TP63: variants seen among roughly 807,000 people sequenced by gnomAD.
The protein encoded by TP63 is tumor protein 63.
In TP63, 17 loss-of-function variants were observed where a neutral mutation model predicts 82.8. The observed-to-expected ratio is 0.21, with a 90% CI of 0.14 to 0.31. TP63 has a LOEUF of 0.31. Ranked by LOEUF, TP63 falls within the 10% of genes least tolerant of loss-of-function variation. The pLI, the probability that TP63 is intolerant of heterozygous loss-of-function variation, is 1.00. For synonymous variants in TP63, 330 were observed against 321.7 expected (o/e 1.03, Z -0.28); for missense variants, 648 against 895.3 (o/e 0.72, Z 3.52).
intron 1 of TP63, among the ~76,000 whole-genome samples, chr3:189,666,577 TAGAG>T (rs1196361838): frequency 1.3e-5 from 2 of 151,972 alleles, no homozygotes; most frequent in Admixed American, 6.6e-5. Flanking sequence ...GAGAATGAAA[TAGAG>T]AAGAGACAGA....
intron 1 of TP63, among the ~76,000 whole-genome samples, chr3:189,682,550 AAAAATATATATATATATAT>A (rs1430221083): frequency 0.097 from 4,381 of 45,188 alleles, 245 homozygotes; most frequent in East Asian, 0.18. Flanking sequence ...AAAAAAAAAA[AAAAATATATATATATATAT>A]ATATATATAT....
At chr3:189,739,625 A>G (rs958748524) in intron 3 of TP63, among the ~76,000 whole-genome samples, 1 of 152,144 alleles carries the variant, frequency 6.6e-6, no homozygotes, top group African/African-American at 2.4e-5. Flanking sequence ...GTCACTCGTG[A>G]TCTTAGGCCC....
intron 3 of TP63, among the ~76,000 whole-genome samples, chr3:189,770,522 T>G (rs933018234): frequency 6.6e-6 from 1 of 150,726 alleles, no homozygotes; most frequent in Non-Finnish European, 1.5e-5. Context: ...CCGAGATCGT[T>G]CCACTGCACT....
chr3:189,855,718 GTATGTA>G (rs1716208752), intron 4 of TP63, among the ~76,000 whole-genome samples: 1 of 148,342 alleles, frequency 6.7e-6, no homozygotes, highest in Non-Finnish European at 1.5e-5. Context: ...GTGTGTGTAT[GTATGTA>G]TGTGTGTGTG....
At chr3:189,761,044 C>A (rs138935112) in intron 3 of TP63, among the ~76,000 whole-genome samples, 13 of 152,294 alleles carry the variant, frequency 8.5e-5, no homozygotes, top group African/African-American at 2.6e-4. Flanking sequence ...AGCACAGATA[C>A]CCTGGGCTTG....
intron 10 of TP63, chr3:189,881,192 T>A (rs1719876017): frequency 1.0e-6 from 1 of 985,284 alleles, no homozygotes; most frequent in African/African-American, 1.7e-5. Context: ...ACGTTTTGAG[T>A]AAGTGAGATC....
intron 1 of TP63, among the ~76,000 whole-genome samples, chr3:189,723,284 A>AC (rs1016215108): frequency 1.7e-4 from 26 of 152,328 alleles, no homozygotes; most frequent in Admixed American, 1.0e-3. Flanking sequence ...TGAATGACAG[A>AC]CTAGGGACTC....
chr3:189,871,031 T>A (rs931712098), intron 9 of TP63, among the ~76,000 whole-genome samples: 2 of 152,218 alleles, frequency 1.3e-5, no homozygotes, highest in African/African-American at 4.8e-5. Flanking sequence ...TGACTTGTGA[T>A]GTTAAAGTAA....
intron 3 of TP63, among the ~76,000 whole-genome samples, chr3:189,774,124 G>A (rs998234648): frequency 2.6e-5 from 4 of 151,750 alleles, no homozygotes; most frequent in South Asian, 4.2e-4. Context: ...GGGTTTCACC[G>A]TGTTAGCCAG....
the TP63 span, among the ~76,000 whole-genome samples, chr3:189,610,639 C>A: frequency 6.6e-6 from 1 of 152,234 alleles, no homozygotes; most frequent in Non-Finnish European, 1.5e-5. Context: ...ATTTTCCTAT[C>A]TTCTTCTGAG....
the TP63 span, among the ~76,000 whole-genome samples, chr3:189,605,154 CT>C: frequency 6.6e-6 from 1 of 152,150 alleles, no homozygotes; most frequent in Non-Finnish European, 1.5e-5. Context: ...GCATAATTTC[CT>C]ACAAATACAA....
At chr3:189,773,711 C>T (rs1332494040) in intron 3 of TP63, among the ~76,000 whole-genome samples, 1 of 152,084 alleles carries the variant, frequency 6.6e-6, no homozygotes, top group East Asian at 1.9e-4. Flanking sequence ...TAATCATCCT[C>T]TCCATCAATG....
intron 1 of TP63, among the ~76,000 whole-genome samples, chr3:189,719,198 T>G (rs1393978754): frequency 6.6e-6 from 1 of 152,188 alleles, no homozygotes; most frequent in Non-Finnish European, 1.5e-5. Context: ...TGAGAGAACT[T>G]GTTCTTTGGG....
At chr3:189,741,128 T>C (rs1026016908) in intron 3 of TP63, among the ~76,000 whole-genome samples, 1 of 151,716 alleles carries the variant, frequency 6.6e-6, no homozygotes, top group Non-Finnish European at 1.5e-5. Flanking sequence ...GCATCTGTAT[T>C]GAAAGGAAAA....
chr3:189,765,779 G>A (rs1329852446), intron 3 of TP63, among the ~76,000 whole-genome samples: 1 of 152,026 alleles, frequency 6.6e-6, no homozygotes, highest in East Asian at 1.9e-4. Flanking sequence ...AAAAAGCACT[G>A]GCCTAGGAGC....
At chr3:189,633,221 TG>T (rs943867418) in intron 1 of TP63, among the ~76,000 whole-genome samples, 1 of 151,620 alleles carries the variant, frequency 6.6e-6, no homozygotes, top group Non-Finnish European at 1.5e-5. Context: ...ATAGTATTTT[TG>T]GTTTTTTTTT....
intron 3 of TP63, among the ~76,000 whole-genome samples, chr3:189,768,766 G>A (rs910646102): frequency 6.6e-6 from 1 of 152,132 alleles, no homozygotes; most frequent in African/African-American, 2.4e-5. Context: ...ACAGTGGCAG[G>A]TGGGTGCCAT....
rs570212747 is a variant in TP63 at position 189,747,277 on chromosome 3, C to G, written c.324+8503C>G. Among the ~76,000 whole-genome samples the G allele has an allele frequency of 5.9e-5, 9 of 152,140 alleles. No homozygotes were observed. The South Asian group carries it at 1.5e-3, about 25-fold the overall frequency. On this transcript the variant is annotated intron_variant, in intron 3 of 13. Transcript: ENST00000264731. ...AATGGACATTTACAGAACATGTTAT[C>G]CAACAGCTACGGAATACAGATTCTT... is the stretch of plus-strand genomic sequence containing the variant.
intron 1 of TP63, among the ~76,000 whole-genome samples, chr3:189,690,274 A>G (rs75375616): frequency 0.014 from 2,187 of 152,266 alleles, 46 homozygotes; most frequent in African/African-American, 0.051. Flanking sequence ...GACTTATTTA[A>G]TCTGCACATC....
Sources: allele counts gnomAD v4.1 joint callset (sites outside exome capture counted in the v4.1 genomes callset), GRCh38; gene constraint gnomAD v4.1.1; transcripts MANE v1.5; gene names NCBI Gene and HGNC (gene_info 2026-07-23, HGNC 2026-07-21).